SLC2A9: variants seen among roughly 807,000 people sequenced by gnomAD.
SLC2A9 encodes solute carrier family 2, facilitated glucose transporter member 9.
SLC2A9 carries 39 observed loss-of-function variants against 50.6 expected under a neutral mutation model. The observed-to-expected ratio is 0.77, with a 90% confidence interval of 0.60 to 1.01. The LOEUF is 1.01. SLC2A9 is among the 50% of genes least tolerant of loss of function. SLC2A9 has a pLI of 0.00. For synonymous variants in SLC2A9, 324 were observed against 276.9 expected, an observed-to-expected ratio of 1.17 and a Z score of -1.69; for missense variants, 686 against 677.6, an observed-to-expected ratio of 1.01 and a Z score of -0.14.
intron 10 of SLC2A9, among the ~76,000 whole-genome samples, chr4:9,850,067 T>C (rs2109304948): frequency 6.7e-6 from 1 of 150,142 alleles, no homozygotes; most frequent in Admixed American, 6.7e-5. Context: ...TGAGAGTGGA[T>C]AGAGGGAGGA....
At chr4:9,783,478 C>T (rs1262869233) in intron 3 of SLC2A9, 3 of 1,583,428 alleles carry the variant, frequency 1.9e-6, no homozygotes, top group African/African-American at 1.3e-5. Context: ...CATTAAGAAA[C>T]CCCCTCATGG....
At chr4:9,977,965 C>T (rs13145554) in intron 5 of SLC2A9, among the ~76,000 whole-genome samples, 80,658 of 152,108 alleles carry the variant, frequency 0.53, 22,553 homozygotes, top group East Asian at 0.89. Flanking sequence ...TTAGTGTGCA[C>T]GCAAGTAAGA....
At chr4:9,943,902 G>A (rs186261707) in intron 5 of SLC2A9, among the ~76,000 whole-genome samples, 2 of 152,262 alleles carry the variant, frequency 1.3e-5, no homozygotes, top group Admixed American at 6.5e-5. Flanking sequence ...CCGCACAGCC[G>A]CCAGCCCCAC....
chr4:9,901,449 G>A (rs1426528038), intron 8 of SLC2A9, among the ~76,000 whole-genome samples: 4 of 152,084 alleles, frequency 2.6e-5, no homozygotes, highest in Admixed American at 2.0e-4. Flanking sequence ...CTCTCTCCAA[G>A]CCTTGTGACA....
chr4:9,782,061 A>T, intron 3 of SLC2A9: 1 of 1,490,622 alleles, frequency 6.7e-7, no homozygotes, highest in Non-Finnish European at 8.9e-7. Flanking sequence ...GGCACCGCGT[A>T]CCCGGGGCAG....
chr4:9,872,521 C>T (rs763474963), intron 10 of SLC2A9, among the ~76,000 whole-genome samples: 4 of 152,312 alleles, frequency 2.6e-5, no homozygotes, highest in South Asian at 2.1e-4. Flanking sequence ...TGAATAAATT[C>T]GATAAATGTG....
At chr4:9,902,907 A>C (rs1005434085) in intron 8 of SLC2A9, among the ~76,000 whole-genome samples, 10 of 152,238 alleles carry the variant, frequency 6.6e-5, no homozygotes, top group Admixed American at 2.0e-4. Context: ...AACAATAGTG[A>C]ACATTTATTG....
rs139979601 is a variant in SLC2A9, at chr4:9,934,608, G to A, written c.814+7305C>T. On this transcript the variant is annotated intron_variant, in intron 6 of 11. Transcript: ENST00000264784. ...CAGTCATCTGGAGAGATGCATGATG[G>A]CCAGTTAGTAGCAGAGCTGGATTTA... is the stretch of plus-strand genomic sequence containing the variant. Among the ~76,000 whole-genome samples the A allele has an allele frequency of 1.6e-3, 237 of 152,282 alleles. 1 individual carries two copies. Among genetic ancestry groups the A allele is most frequent in the African/African-American group, 5.6e-3 (232 of 41,554 alleles).
chr4:10,008,272 G>A (rs1035100841), intron 2 of SLC2A9, among the ~76,000 whole-genome samples: 8 of 152,190 alleles, frequency 5.3e-5, no homozygotes, highest in African/African-American at 1.9e-4. Context: ...TCTAATCGCT[G>A]GGACCTCCAG....
chr4:9,969,894 G>GGA (rs1256986618), intron 5 of SLC2A9, among the ~76,000 whole-genome samples: 1 of 152,214 alleles, frequency 6.6e-6, no homozygotes, highest in Non-Finnish European at 1.5e-5. Flanking sequence ...AGATCTGGGT[G>GGA]GAGATGAAGC....
chr4:9,808,479 C>T (rs1722416989), intron 3 of SLC2A9, among the ~76,000 whole-genome samples: 1 of 152,072 alleles, frequency 6.6e-6, no homozygotes. Context: ...GCTAGCAATT[C>T]CTCAGTCCCT....
chr4:9,817,173 A>AC (rs1355473398), intron 3 of SLC2A9, among the ~76,000 whole-genome samples: 1 of 152,132 alleles, frequency 6.6e-6, no homozygotes, highest in Non-Finnish European at 1.5e-5. Flanking sequence ...CATTGGGTTT[A>AC]CCCAGTCATC....
At chr4:9,943,036 G>T (rs1385165938) in intron 5 of SLC2A9, among the ~76,000 whole-genome samples, 1 of 152,170 alleles carries the variant, frequency 6.6e-6, no homozygotes. Flanking sequence ...TTACCCTCAG[G>T]ATCCTGGGGC....
rs191275227 is a variant in SLC2A9, at chr4:9,983,888, T to C, written c.535+1781A>G. ...GAAGCAAGTGAGAGCATTCAGGCAG[T>C]CTGACTCCATAGTCTTCACCCTTAA... is the stretch of plus-strand genomic sequence containing the variant. On this transcript the variant is annotated intron_variant, in intron 4 of 11. Coordinates refer to ENST00000264784, the MANE Select transcript of SLC2A9 (RefSeq NM_020041.3). Among the ~76,000 whole-genome samples, 331 of 152,314 alleles carry C rather than the reference T, an allele frequency of 2.2e-3. 1 individual carries two copies. Among genetic ancestry groups the C allele is most frequent in the African/African-American group, 7.3e-3 (305 of 41,564 alleles).
At chr4:9,805,687 GTTTT>G (rs58280694) in intron 3 of SLC2A9, among the ~76,000 whole-genome samples, 197 of 117,796 alleles carry the variant, frequency 1.7e-3, no homozygotes, top group African/African-American at 5.2e-3. Context: ...CAGGGTGTCA[GTTTT>G]TTTTTTTTTT....
intron 11 of SLC2A9, among the ~76,000 whole-genome samples, chr4:9,833,566 G>A (rs1410306748): frequency 3.3e-5 from 5 of 152,142 alleles, no homozygotes; most frequent in Non-Finnish European, 5.9e-5. Flanking sequence ...GGGAGGGTGC[G>A]GCACAGAGCA....
intron 3 of SLC2A9, chr4:9,781,554 G>A (rs939279297): frequency 6.4e-6 from 1 of 155,126 alleles, no homozygotes; most frequent in African/African-American, 2.4e-5. Context: ...CCAAGGCACA[G>A]GTGGGGCGGG....
chr4:9,772,392 T>C (rs1716938440), intron 1 of SLC2A9, among the ~76,000 whole-genome samples: 1 of 152,244 alleles, frequency 6.6e-6, no homozygotes, highest in Non-Finnish European at 1.5e-5. Flanking sequence ...GACTTCCCTG[T>C]GGACAGGACA....
intron 3 of SLC2A9, among the ~76,000 whole-genome samples, chr4:9,803,460 A>G (rs2108946884): frequency 6.6e-6 from 1 of 152,352 alleles, no homozygotes; most frequent in South Asian, 2.1e-4. Context: ...TTTACAGATG[A>G]GAAACTGAGG....
Sources: gnomAD v4.1 joint callset for allele counts (sites outside exome capture counted in the v4.1 genomes callset) on GRCh38, gnomAD v4.1.1 for gene constraint, MANE v1.5 for transcripts, NCBI Gene and HGNC (gene_info 2026-07-23, HGNC 2026-07-21) for gene names.